The following PDE2A variants were observed in gnomAD, a reference collection of about 807,000 sequenced individuals.
The protein encoded by PDE2A is cGMP-dependent 3',5'-cyclic phosphodiesterase.
In PDE2A, 53 loss-of-function variants were observed where a neutral mutation model predicts 133.6. That is an observed-to-expected ratio of 0.40 (90% CI 0.32 to 0.50). The LOEUF is 0.50. PDE2A is among the 20% of genes least tolerant of loss of function. The probability of loss-of-function intolerance (pLI) is 0.73; values close to 1 mark genes in which losing one functional copy is unlikely to be tolerated. For missense variants in PDE2A, 796 were observed against 1,232.4 expected, an observed-to-expected ratio of 0.65 and a Z score of 5.30; for synonymous variants, 491 against 490.2, an observed-to-expected ratio of 1.00 and a Z score of -0.02.
In PDE2A at chr11:72,579,390, C is replaced by T. The variant is rs1217537095; in HGVS notation, c.2257-7G>A. 19 of 1,611,468 alleles carry T rather than the reference C, an allele frequency of 1.2e-5. No individual in the cohort carries two copies. Among genetic ancestry groups the T allele is most frequent in the African/African-American group, 2.7e-5 (2 of 74,848 alleles). On this transcript the variant is annotated splice_polypyrimidine_tract_variant and splice_region_variant and intron_variant, in intron 26 of 30. Transcript: ENST00000334456. ...CCAGCATGCGCTGATAGTCCTGAGG[C>T]GAGGGCAGGGGTGTCATGCCCTCCT... is the stretch of plus-strand genomic sequence containing the variant.
chr11:72,597,673 G>T lies in PDE2A; in HGVS notation c.324-54C>A. The T allele has an allele frequency of 8.2e-7, 1 of 1,215,868 alleles. No individual in the cohort carries two copies. The highest frequency in any genetic ancestry group is 1.2e-6 in the Non-Finnish European group (1 of 834,744). The allele number at this position is 1,215,868 out of a possible 1,614,324, so 75.3% of individuals were successfully genotyped here. On this transcript the variant is annotated intron_variant, in intron 4 of 30. Coordinates refer to ENST00000334456, the MANE Select transcript of PDE2A (RefSeq NM_002599.5). The surrounding 1 kb of genome is among the most constrained non-coding windows in gnomAD (Gnocchi z 4.6). ...GAGCCCCCGACTCAGGGAGGAACGA[G>T]GCCTGGCCTGGGAACACAGGACAGT...
intron 1 of PDE2A, among the ~76,000 whole-genome samples, chr11:72,673,421 A>C (rs967712223): frequency 4.6e-4 from 68 of 147,630 alleles, no homozygotes; most frequent in African/African-American, 1.6e-3. Context: ...ACACACACAT[A>C]CCCTGCCTAC....
intron 2 of PDE2A, among the ~76,000 whole-genome samples, chr11:72,640,296 T>G (rs778821876): frequency 2.0e-5 from 3 of 151,362 alleles, no homozygotes; most frequent in Non-Finnish European, 2.9e-5. Flanking sequence ...ATAGATAATG[T>G]GCACACCTAA....
chr11:72,642,428 C>G (rs1270038029), intron 1 of PDE2A, 102 bp from the exon 2 acceptor site: 3 of 1,225,104 alleles, frequency 2.4e-6, no homozygotes, highest in African/African-American at 1.6e-5. Flanking sequence ...TCGGTCAGCG[C>G]GTCCGCGACA....
At chr11:72,598,398 G>T in intron 4 of PDE2A, 1 of 740,792 alleles carries the variant, frequency 1.3e-6, no homozygotes, top group South Asian at 1.5e-5. Flanking sequence ...AGGGGTGGTG[G>T]GAACCAAGGC....
At chr11:72,577,733 G>T (rs182343396) in intron 30 of PDE2A, 139 bp from the exon 31 acceptor site, 6 of 653,116 alleles carry the variant, frequency 9.2e-6, no homozygotes, top group African/African-American at 7.7e-5. Flanking sequence ...AACACTCAGA[G>T]ATGCCGAGGT....
At chr11:72,614,198 G>A (rs186899849) in intron 2 of PDE2A, among the ~76,000 whole-genome samples, 7 of 152,356 alleles carry the variant, frequency 4.6e-5, no homozygotes, top group South Asian at 4.1e-4. Flanking sequence ...CCAAGGAGAC[G>A]CCTCTCAAAG....
At chr11:72,620,370 G>A (rs1048835704) in intron 2 of PDE2A, among the ~76,000 whole-genome samples, 28 of 152,118 alleles carry the variant, frequency 1.8e-4, no homozygotes, top group Non-Finnish European at 1.0e-4. Context: ...ACCAGAGCTG[G>A]GATGCAGAGC....
intron 2 of PDE2A, among the ~76,000 whole-genome samples, chr11:72,624,907 A>G (rs1431702849): frequency 2.6e-5 from 4 of 152,180 alleles, no homozygotes; most frequent in Non-Finnish European, 5.9e-5. Context: ...TCCGTGTCAC[A>G]TGTGCAGAAC....
Position 72,578,218 on chromosome 11 carries a change from C to G in PDE2A, c.2615+15G>C, listed in dbSNP as rs759024810. The G allele has an allele frequency of 6.6e-7, 1 of 1,511,316 alleles. No individual in the cohort carries two copies. Among genetic ancestry groups the G allele is most frequent in the Non-Finnish European group, 9.2e-7 (1 of 1,085,594 alleles). The allele number at this position is 1,511,316 out of a possible 1,614,324, so 93.6% of individuals were successfully genotyped here. A position where few individuals can be genotyped will look rare whatever the true frequency, so the allele number is the denominator to read the frequency against. On this transcript the variant is annotated intron_variant, in intron 30 of 30. Transcript: ENST00000334456. The surrounding 1 kb of genome is among the most constrained non-coding windows in gnomAD (Gnocchi z 4.2). ...CTCTGTGCAGGGTGCAGCTTGTCCCCATGAGCTCACTCACTTGTAGATGGG... is the reference window on the plus strand; with the variant it reads ...CTCTGTGCAGGGTGCAGCTTGTCCCGATGAGCTCACTCACTTGTAGATGGG...
chr11:72,619,268 T>G (rs899226693), intron 2 of PDE2A, among the ~76,000 whole-genome samples: 2 of 152,198 alleles, frequency 1.3e-5, no homozygotes, highest in Admixed American at 1.3e-4. Flanking sequence ...GTTTTTCTGA[T>G]TGCAAAATTC....
intron 2 of PDE2A, among the ~76,000 whole-genome samples, chr11:72,628,480 A>G (rs923631068): frequency 3.7e-4 from 56 of 151,826 alleles, no homozygotes; most frequent in Non-Finnish European, 7.5e-4. Flanking sequence ...ACAGGCGCCC[A>G]CCACCACAAC....
rs183934519 is a variant in PDE2A, at chr11:72,645,453, C to A, written c.72-3127G>T. 1.6e-3 allele frequency among the ~76,000 whole-genome samples: 241 copies of A among 152,298 alleles called. 3 individuals carry two copies. The highest frequency in any genetic ancestry group is 5.7e-3 in the African/African-American group (237 of 41,552). On this transcript the variant is annotated intron_variant, in intron 1 of 30. Transcript: ENST00000334456. ...GAGTTGGCACATTTAAAGGCCTTGCCGAGCTCTTATAGCTAGGAGTGACCC... is the reference window on the plus strand; with the variant it reads ...GAGTTGGCACATTTAAAGGCCTTGCAGAGCTCTTATAGCTAGGAGTGACCC...
At chr11:72,610,125 C>T (rs778657375) in intron 2 of PDE2A, among the ~76,000 whole-genome samples, 18 of 152,118 alleles carry the variant, frequency 1.2e-4, no homozygotes, top group Non-Finnish European at 1.9e-4. Flanking sequence ...CTGGATAACC[C>T]AGGGATGCCT....
chr11:72,579,725 C>T (rs1855634498), intron 25 of PDE2A, 117 bp from the exon 26 acceptor site: 1 of 700,456 alleles, frequency 1.4e-6, no homozygotes, highest in South Asian at 1.8e-5. Flanking sequence ...GCAGAGCAGT[C>T]AGAAAGGGGG....
At position 72,577,530 on chromosome 11, in the gene PDE2A, G is replaced by A; in HGVS notation, c.2680C>T (p.His894Tyr). ...AACTTGTGGGACACCTTGGTCCAGT[G>A]CTCACGGTTGGAGGCCACGCGCTCG... is the stretch of plus-strand genomic sequence containing the variant. ...LYERVASNRE[H>Y]WTKVSHKFTI... Residue 894 changes from histidine to tyrosine, a missense_variant, in exon 31 of 31, where the codon CAC (histidine) becomes TAC (tyrosine). By Grantham distance (83) the His-to-Tyr change is moderately conservative. Coordinates refer to ENST00000334456, the MANE Select transcript of PDE2A (RefSeq NM_002599.5). The A allele has an allele frequency of 6.2e-7, 1 of 1,612,100 alleles. No homozygotes were observed. Among genetic ancestry groups the A allele is most frequent in the Non-Finnish European group, 8.5e-7 (1 of 1,180,020 alleles).
At position 72,597,336 on chromosome 11, in the gene PDE2A, G is replaced by A. The variant is rs191132991; in HGVS notation, c.433+174C>T. 6.6e-6 allele frequency among the ~76,000 whole-genome samples: 1 copy of A among 152,190 alleles called. No individual in the cohort carries two copies. Among genetic ancestry groups the A allele is most frequent in the Non-Finnish European group, 1.5e-5 (1 of 68,044 alleles). ...TATAGTCAGGAAGTTGAGGCTCAGA[G>A]AATTTAGTAGTACAATAGAGAGAGA... On this transcript the variant is annotated intron_variant, in intron 5 of 30. Coordinates refer to ENST00000334456, the MANE Select transcript of PDE2A (RefSeq NM_002599.5). This position sits in a 1 kb window ranked among gnomAD's most constrained non-coding sequence, Gnocchi z 4.6.
At chr11:72,598,939 C>A (rs888293138) in intron 4 of PDE2A, 19 of 985,266 alleles carry the variant, frequency 1.9e-5, no homozygotes, top group Non-Finnish European at 1.9e-5. Context: ...TTGCCAGTCA[C>A]CCCGGGAAGG....
intron 6 of PDE2A, among the ~76,000 whole-genome samples, chr11:72,592,340 T>C (rs1247332361): frequency 1.6e-4 from 24 of 152,148 alleles, no homozygotes; most frequent in Admixed American, 1.6e-3. Context: ...CCCTCCCCAG[T>C]CAGCAGCCAA....
Sources: allele counts gnomAD v4.1 joint callset (sites outside exome capture counted in the v4.1 genomes callset), GRCh38; gene constraint gnomAD v4.1.1; non-coding constraint Gnocchi (gnomAD v3.1); transcripts MANE v1.5; gene names NCBI Gene and HGNC (gene_info 2026-07-23, HGNC 2026-07-21).